UNC13B: variants seen among roughly 807,000 people sequenced by gnomAD.
UNC13B encodes protein unc-13 homolog B.
In UNC13B, 144 loss-of-function variants were observed where a neutral mutation model predicts 211.0. The ratio of observed to expected loss-of-function variants is 0.68; its 90% CI spans 0.60 to 0.78. The LOEUF (loss-of-function observed/expected upper bound fraction) is 0.78. Among genes scored for constraint, UNC13B ranks in the 30% least tolerant of loss-of-function variants. The pLI is 0.00. For synonymous variants in UNC13B, 709 were observed against 725.8 expected (o/e 0.98, Z 0.37); for missense variants, 1,777 against 2,002.0 (o/e 0.89, Z 2.14).
At chr9:35,233,646 C>T (rs1210306562) in intron 3 of UNC13B, among the ~76,000 whole-genome samples, 1 of 152,096 alleles carries the variant, frequency 6.6e-6, no homozygotes, top group Non-Finnish European at 1.5e-5. Context: ...TATTATGTGG[C>T]AGTATCTAAT....
intron 2 of UNC13B, among the ~76,000 whole-genome samples, chr9:35,229,843 G>A (rs1260308628): frequency 6.6e-6 from 1 of 152,184 alleles, no homozygotes; most frequent in Admixed American, 6.5e-5. Flanking sequence ...TCAGCTGAAA[G>A]TGTATGACGG....
At chr9:35,183,044 T>C (rs58656111) in intron 1 of UNC13B, among the ~76,000 whole-genome samples, 257 of 76,036 alleles carry the variant, frequency 3.4e-3, no homozygotes, top group East Asian at 0.011. Flanking sequence ...CGCTCCTCAC[T>C]TCCCAGATGG....
At chr9:35,193,172 AT>A (rs1267678175) in intron 1 of UNC13B, among the ~76,000 whole-genome samples, 1 of 152,158 alleles carries the variant, frequency 6.6e-6, no homozygotes, top group Non-Finnish European at 1.5e-5. Context: ...CGACAGTTGC[AT>A]TTGGGCAATT....
intron 4 of UNC13B, among the ~76,000 whole-genome samples, chr9:35,237,410 C>A (rs1338000007): frequency 6.6e-6 from 1 of 152,124 alleles, no homozygotes; most frequent in Non-Finnish European, 1.5e-5. Context: ...AAGAACTGTG[C>A]AGGTTAAATA....
chr9:35,219,158 A>T (rs1329426469), intron 1 of UNC13B, among the ~76,000 whole-genome samples: 1 of 152,156 alleles, frequency 6.6e-6, no homozygotes, highest in East Asian at 1.9e-4. Flanking sequence ...TATAGAACAA[A>T]TATATTTAGT....
chr9:35,315,378 T>C (rs1369098425), intron 11 of UNC13B, among the ~76,000 whole-genome samples: 3 of 152,216 alleles, frequency 2.0e-5, no homozygotes, highest in Admixed American at 2.0e-4. Context: ...ATTAATTTAT[T>C]TTGAAGCAAT....
chr9:35,288,672 G>T (rs1271561342), intron 7 of UNC13B, among the ~76,000 whole-genome samples: 2 of 152,218 alleles, frequency 1.3e-5, no homozygotes. Flanking sequence ...GCTTGTCAGA[G>T]AACATGACTT....
intron 18 of UNC13B, 79 bp from the exon 19 acceptor site, chr9:35,381,021 C>G: frequency 7.0e-7 from 1 of 1,419,434 alleles, no homozygotes; most frequent in South Asian, 1.4e-5. Context: ...CCCTTCTCTT[C>G]CTTGGGTTAA....
At chr9:35,260,064 A>AC (rs1827184839) in intron 7 of UNC13B, among the ~76,000 whole-genome samples, 1 of 149,526 alleles carries the variant, frequency 6.7e-6, no homozygotes, top group African/African-American at 2.5e-5. Context: ...AAAAAAAAAA[A>AC]CCAAGTGTGA....
At chr9:35,211,689 C>T (rs1251581681) in intron 1 of UNC13B, among the ~76,000 whole-genome samples, 1 of 152,208 alleles carries the variant, frequency 6.6e-6, no homozygotes, top group African/African-American at 2.4e-5. Flanking sequence ...TTCCAAATTA[C>T]ACATTTACCT....
rs1395058504 is a variant in UNC13B at position 35,300,641 on chromosome 9, T to C, written c.1237T>C (p.Tyr413His). ...VHHIGDFPEE[Y>H]YVANSALPLQ... is the part of the protein sequence containing the mutation. ...CCATATTGGAGATTTTCCTGAGGAA[T>C]ATTATGTAGCAAATTCAGCATTGCC... The change falls in exon 9 of 40, where the codon TAT becomes CAT. Residue 413 changes from tyrosine to histidine, a missense_variant. Coordinates refer to ENST00000635942, the MANE Select transcript of UNC13B (RefSeq NM_001371189.2). The C allele has an allele frequency of 2.5e-6, 1 of 398,980 alleles. No homozygotes were observed. Among genetic ancestry groups the C allele is most frequent in the Non-Finnish European group, 4.4e-6 (1 of 226,004 alleles). 24.7% of individuals were successfully genotyped at this position (398,980 alleles called of 1,614,324 possible).
At chr9:35,183,528 A>C (rs541626381) in intron 1 of UNC13B, among the ~76,000 whole-genome samples, 67 of 30,260 alleles carry the variant, frequency 2.2e-3, no homozygotes, top group Admixed American at 3.5e-3. Flanking sequence ...AGGCTCCCCC[A>C]ACCTCCCAGA....
At chr9:35,357,941 A>G (rs1049461691) in intron 11 of UNC13B, among the ~76,000 whole-genome samples, 3 of 152,030 alleles carry the variant, frequency 2.0e-5, no homozygotes, top group Non-Finnish European at 2.9e-5. Flanking sequence ...TTAAATAGTA[A>G]CTCCTCATCC....
At position 35,403,772 on chromosome 9, in the gene UNC13B, C is replaced by G. The variant is rs754685906; in HGVS notation, c.12762C>G (p.Pro4254=). ...GCCTCCTGGGAAATGAGGAGGGGCC[C>G]GAGTCCTATGAGTTGCAGATATGCG... is the stretch of plus-strand genomic sequence containing the variant. ...FHFLLGNEEG[P]ESYELQICVK... The change falls in exon 40 of 40, where the codon CCC becomes CCG. Residue 4254 remains proline, a synonymous_variant. Coordinates refer to ENST00000635942, the MANE Select transcript of UNC13B (RefSeq NM_001371189.2). 6.2e-7 allele frequency: 1 copy of G among 1,614,052 alleles called. No homozygotes were observed. The highest frequency in any genetic ancestry group is 2.2e-5 in the East Asian group (1 of 44,882).
At chr9:35,396,771 G>C (rs1835908162) in intron 27 of UNC13B, 70 bp from the exon 28 acceptor site, 2 of 1,605,614 alleles carry the variant, frequency 1.2e-6, no homozygotes, top group East Asian at 2.2e-5. Flanking sequence ...CCCCAGTCTG[G>C]TGGAGCTGTC....
At chr9:35,321,302 C>T (rs776925121) in intron 11 of UNC13B, among the ~76,000 whole-genome samples, 4 of 152,140 alleles carry the variant, frequency 2.6e-5, no homozygotes, top group Non-Finnish European at 5.9e-5. Context: ...CTCACTGCAG[C>T]CTTGACCTTC....
intron 1 of UNC13B, among the ~76,000 whole-genome samples, chr9:35,168,581 A>C (rs555542635): frequency 1.7e-4 from 26 of 151,856 alleles, no homozygotes; most frequent in African/African-American, 6.0e-4. Flanking sequence ...AGCAGGTAAT[A>C]TTTTTCTATG....
At chr9:35,181,054 C>T (rs1467349554) in intron 1 of UNC13B, among the ~76,000 whole-genome samples, 1 of 152,126 alleles carries the variant, frequency 6.6e-6, no homozygotes, top group Non-Finnish European at 1.5e-5. Context: ...GGCTTGATCA[C>T]ACCTCTGCAC....
chr9:35,334,157 G>A (rs1227156342), intron 11 of UNC13B, among the ~76,000 whole-genome samples: 1 of 152,004 alleles, frequency 6.6e-6, no homozygotes, highest in African/African-American at 2.4e-5. Context: ...GTAGAGACAG[G>A]GTTTTACCAT....
Sources: allele counts gnomAD v4.1 joint callset (sites outside exome capture counted in the v4.1 genomes callset), GRCh38; gene constraint gnomAD v4.1.1; transcripts MANE v1.5; gene names NCBI Gene and HGNC (gene_info 2026-07-23, HGNC 2026-07-21).